Variants in MTUS2 observed in about 807,000 individuals in gnomAD.
MTUS2 encodes microtubule-associated tumor suppressor candidate 2.
A neutral mutation model predicts 114.1 loss-of-function variants in MTUS2; 40 were observed. The ratio of observed to expected loss-of-function variants is 0.35; its 90% CI spans 0.27 to 0.46. The LOEUF is 0.46. MTUS2 is among the 20% of genes least tolerant of loss of function. The pLI is 1.00. For synonymous variants in MTUS2, 688 were observed against 672.0 expected (o/e 1.02, Z -0.37); for missense variants, 1,679 against 1,705.4 (o/e 0.98, Z 0.27).
At chr13:29,392,416 C>T (rs1015198858) in intron 8 of MTUS2, among the ~76,000 whole-genome samples, 4 of 152,162 alleles carry the variant, frequency 2.6e-5, no homozygotes, top group Non-Finnish European at 5.9e-5. Context: ...CCTTTGGGAT[C>T]TGTGCAGAGT....
chr13:29,411,129 G>A (rs532351801), intron 8 of MTUS2, among the ~76,000 whole-genome samples: 1 of 152,282 alleles, frequency 6.6e-6, no homozygotes, highest in African/African-American at 2.4e-5. Context: ...GAGCCACTGT[G>A]CCCAACCCCA....
intron 8 of MTUS2, among the ~76,000 whole-genome samples, chr13:29,402,226 C>T (rs1874400449): frequency 6.6e-6 from 1 of 152,096 alleles, no homozygotes; most frequent in South Asian, 2.1e-4. Flanking sequence ...GCTTAGTCCC[C>T]AGACCCCACC....
At chr13:29,377,479 A>G (rs1871842472) in intron 8 of MTUS2, among the ~76,000 whole-genome samples, 1 of 152,208 alleles carries the variant, frequency 6.6e-6, no homozygotes, top group African/African-American at 2.4e-5. Flanking sequence ...ATAATAGGAA[A>G]ATCTTTAAAC....
intron 8 of MTUS2, among the ~76,000 whole-genome samples, chr13:29,383,793 G>A (rs1014959786): frequency 2.6e-5 from 4 of 152,136 alleles, no homozygotes; most frequent in African/African-American, 4.8e-5. Context: ...AAGGAGATGC[G>A]GCACCTGGAG....
intron 5 of MTUS2, among the ~76,000 whole-genome samples, chr13:29,121,564 C>A (rs1032989174): frequency 2.6e-5 from 4 of 151,934 alleles, no homozygotes; most frequent in African/African-American, 9.7e-5. Context: ...AAAGCCTTTT[C>A]TGGTGAATGC....
At chr13:29,193,874 T>C (rs1217813793) in intron 5 of MTUS2, among the ~76,000 whole-genome samples, 5 of 152,270 alleles carry the variant, frequency 3.3e-5, no homozygotes, top group African/African-American at 1.2e-4. Flanking sequence ...CAAAACAGCA[T>C]GGTACTGGTA....
At chr13:28,981,812 T>G (rs1046112067) in intron 2 of MTUS2, among the ~76,000 whole-genome samples, 10 of 152,306 alleles carry the variant, frequency 6.6e-5, no homozygotes, top group East Asian at 3.9e-4. Context: ...TGGCCTGTTT[T>G]AGGGATCTTG....
chr13:28,877,799 A>G (rs1193605927), intron 2 of MTUS2, among the ~76,000 whole-genome samples: 2 of 152,178 alleles, frequency 1.3e-5, no homozygotes, highest in East Asian at 3.8e-4. Flanking sequence ...TGCTGGTGCC[A>G]TCGTTGGTTT....
chr13:29,250,624 C>A (rs938407534), intron 5 of MTUS2: 1 of 151,848 alleles, frequency 6.6e-6, no homozygotes, highest in African/African-American at 2.4e-5. Context: ...TTTTTGTCCA[C>A]TCTCCGCATT....
chr13:29,031,270 G>GTGTGTGT (rs1555287201), intron 3 of MTUS2, among the ~76,000 whole-genome samples: 9 of 22,440 alleles, frequency 4.0e-4, no homozygotes, highest in Non-Finnish European at 6.3e-4. Flanking sequence ...GTGTGTGTGT[G>GTGTGTGT]GTGTGTGTTC....
intron 6 of MTUS2, among the ~76,000 whole-genome samples, chr13:29,297,379 CA>C (rs1898995157): frequency 6.6e-6 from 1 of 152,174 alleles, no homozygotes; most frequent in African/African-American, 2.4e-5. Context: ...ATGCATCATG[CA>C]GTATTCTTAG....
chr13:29,061,390 G>A (rs1888410625), intron 4 of MTUS2, among the ~76,000 whole-genome samples: 1 of 152,172 alleles, frequency 6.6e-6, no homozygotes, highest in Non-Finnish European at 1.5e-5. Context: ...TGTGAGTTCT[G>A]GGAATTGTTT....
Position 28,931,401 on chromosome 13 carries a change from ATGT to A in MTUS2, c.-243+91556_-243+91558del, listed in dbSNP as rs1205347110. 1.4e-4 allele frequency among the ~76,000 whole-genome samples: 21 copies of A among 152,254 alleles called. No homozygotes were observed. The East Asian group carries it at 4.1e-3, about 29-fold the overall frequency. ...TTGGATCATGGGGGCAGTTTCCCCCATGTTGTTCTTGTGTGAGTGAGTATTCAC... is the reference window on the plus strand; with the variant it reads ...TTGGATCATGGGGGCAGTTTCCCCCATGTTCTTGTGTGAGTGAGTATTCAC... On this transcript the variant is annotated intron_variant, in intron 2 of 15. Coordinates refer to ENST00000612955, the MANE Select transcript of MTUS2 (RefSeq NM_001033602.4).
intron 4 of MTUS2, among the ~76,000 whole-genome samples, chr13:29,082,873 C>A (rs1422356514): frequency 6.6e-6 from 1 of 151,948 alleles, no homozygotes; most frequent in Non-Finnish European, 1.5e-5. Context: ...TCTAGAGACT[C>A]CAGGAAGCAT....
At chr13:28,990,693 A>G (rs773726156) in intron 2 of MTUS2, among the ~76,000 whole-genome samples, 2 of 152,220 alleles carry the variant, frequency 1.3e-5, no homozygotes, top group African/African-American at 2.4e-5. Flanking sequence ...TCAGCAGGAC[A>G]TGGGCGGGGA....
At chr13:29,272,558 A>G (rs995271694) in intron 5 of MTUS2, among the ~76,000 whole-genome samples, 7 of 152,204 alleles carry the variant, frequency 4.6e-5, no homozygotes, top group Admixed American at 4.6e-4. Context: ...TGAAAAGTGC[A>G]CTGAATATGG....
intron 8 of MTUS2, among the ~76,000 whole-genome samples, chr13:29,372,359 A>G (rs9578091): frequency 0.21 from 31,514 of 152,034 alleles, 3,354 homozygotes; most frequent in Middle Eastern, 0.25. Flanking sequence ...AGTATCTGCA[A>G]TGATAAGCCA....
intron 2 of MTUS2, among the ~76,000 whole-genome samples, chr13:28,931,466 TC>T (rs1881612303): frequency 6.6e-6 from 1 of 152,028 alleles, no homozygotes; most frequent in Non-Finnish European, 1.5e-5. Flanking sequence ...GGCAAGTTGT[TC>T]CTTTGCTTGC....
intron 8 of MTUS2, among the ~76,000 whole-genome samples, chr13:29,386,221 G>C (rs1872621532): frequency 6.6e-6 from 1 of 152,176 alleles, no homozygotes; most frequent in South Asian, 2.1e-4. Context: ...CTTTATTCAG[G>C]ACTATTGTGA....
Sources: allele counts gnomAD v4.1 joint callset (sites outside exome capture counted in the v4.1 genomes callset), GRCh38; gene constraint gnomAD v4.1.1; transcripts MANE v1.5; gene names NCBI Gene and HGNC (gene_info 2026-07-23, HGNC 2026-07-21).